CCDC150: variants seen among roughly 807,000 people sequenced by gnomAD.
CCDC150 encodes the protein coiled-coil domain-containing protein 150.
Under a neutral mutation model 156.5 loss-of-function variants are expected in CCDC150, and 151 were observed. The observed-to-expected ratio is 0.97, with a 90% CI of 0.85 to 1.10. The LOEUF (loss-of-function observed/expected upper bound fraction) is 1.10. Ranked by LOEUF, CCDC150 falls within the 50% of genes least tolerant of loss-of-function variation. The pLI, the probability that CCDC150 is intolerant of heterozygous loss-of-function variation, is 0.00. For synonymous variants in CCDC150, 452 were observed against 429.4 expected (o/e 1.05, Z -0.65); for missense variants, 1,312 against 1,268.1 (o/e 1.03, Z -0.53).
chr2:196,666,637 T>C (rs1296902486), intron 6 of CCDC150, 82 bp from the exon 7 acceptor site: 3 of 1,147,446 alleles, frequency 2.6e-6, no homozygotes, highest in South Asian at 3.2e-5. Context: ...AAGGTTGGAA[T>C]GTTGCCTTAT....
chr2:196,732,158 A>G lies in CCDC150; in HGVS notation c.3189+6A>G. Reference sequence around the variant, plus strand: ...AAGACAGGTGGCAGGAAAAGGTAAGATTAAGACATGGATGTCTTAAGCAAT... The same window carrying G: ...AAGACAGGTGGCAGGAAAAGGTAAGGTTAAGACATGGATGTCTTAAGCAAT... On this transcript the variant is annotated splice_donor_region_variant and intron_variant, in intron 27 of 27. Transcript: ENST00000389175. The G allele has an allele frequency of 6.2e-7, 1 of 1,613,796 alleles. No individual in the cohort carries two copies. Among genetic ancestry groups the G allele is most frequent in the Non-Finnish European group, 8.5e-7 (1 of 1,179,800 alleles).
In CCDC150 at chr2:196,666,768, G is replaced by A. The variant is rs1693864363; in HGVS notation, c.812G>A (p.Ser271Asn). The A allele has an allele frequency of 1.2e-6, 2 of 1,612,916 alleles. No individual in the cohort carries two copies. The highest frequency in any genetic ancestry group is 1.7e-6 in the Non-Finnish European group (2 of 1,179,412). ...NCIALRDSIQSAQELLAQEQK... is the reference protein window; with the variant it reads ...NCIALRDSIQNAQELLAQEQK... ...ATTGCTCTACGTGATTCTATACAGA[G>A]CGCTCAAGAACTACTGGCCCAGGAA... is the stretch of plus-strand genomic sequence containing the variant. The change falls in exon 7 of 28, where the codon AGC becomes AAC. Residue 271 changes from serine (S) to asparagine (N), a missense_variant. Physicochemically the swap from Ser to Asn is conservative, Grantham distance 46. Transcript: ENST00000389175.
At chr2:196,644,979 C>G (rs1183527972) in intron 1 of CCDC150, among the ~76,000 whole-genome samples, 3 of 134,188 alleles carry the variant, frequency 2.2e-5, no homozygotes, top group African/African-American at 8.5e-5. Context: ...AAAAAATTAG[C>G]CGGGCATGGT....
At chr2:196,665,888 CTT>C (rs1355055708) in intron 6 of CCDC150, among the ~76,000 whole-genome samples, 1 of 152,054 alleles carries the variant, frequency 6.6e-6, no homozygotes, top group Non-Finnish European at 1.5e-5. Flanking sequence ...ATTCAACACT[CTT>C]AATTTATGAA....
At chr2:196,667,633 G>A (rs1031681404) in intron 7 of CCDC150, 1 of 152,226 alleles carries the variant, frequency 6.6e-6, no homozygotes, top group Non-Finnish European at 1.5e-5. Flanking sequence ...AGGAAAAAAT[G>A]GCAAAGTAAG....
chr2:196,706,915 G>A (rs1364707612), intron 15 of CCDC150, among the ~76,000 whole-genome samples: 1 of 152,174 alleles, frequency 6.6e-6, no homozygotes, highest in African/African-American at 2.4e-5. Flanking sequence ...TGTTTTGCCA[G>A]TATTTTATTG....
At chr2:196,690,622 AAG>A (rs1041366812) in intron 13 of CCDC150, among the ~76,000 whole-genome samples, 1 of 152,054 alleles carries the variant, frequency 6.6e-6, no homozygotes, top group Admixed American at 6.6e-5. Flanking sequence ...TAAAAAAAAA[AAG>A]AGTTACAGGA....
chr2:196,721,587 G>A lies in CCDC150; in HGVS notation c.2325G>A (p.Leu775=), dbSNP rs1450222991. The change falls in exon 21 of 28, where the codon CTG becomes CTA. Residue 775 remains leucine, a synonymous_variant. Coordinates refer to ENST00000389175, the MANE Select transcript of CCDC150 (RefSeq NM_001080539.2). ...ACAACAGGAAACTTGCTATGAGTCT[G>A]GAACAAGCTCTCCAGACAAATAATC... is the stretch of plus-strand genomic sequence containing the variant. ...REDNRKLAMS[L]EQALQTNNHL... is the part of the protein sequence containing the mutation. 6 of 1,608,228 alleles carry A rather than the reference G, an allele frequency of 3.7e-6. No homozygotes were observed. Among genetic ancestry groups the A allele is most frequent in the South Asian group, 1.1e-5 (1 of 89,418 alleles).
intron 21 of CCDC150, among the ~76,000 whole-genome samples, chr2:196,724,029 T>C (rs2125711598): frequency 6.6e-6 from 1 of 152,238 alleles, no homozygotes; most frequent in East Asian, 1.9e-4. Flanking sequence ...AGAGGAAGGG[T>C]TATCTTTAAA....
intron 13 of CCDC150, among the ~76,000 whole-genome samples, chr2:196,691,568 T>C (rs897624162): frequency 2.0e-5 from 3 of 151,326 alleles, no homozygotes; most frequent in Non-Finnish European, 4.4e-5. Flanking sequence ...TCCTTTATCA[T>C]TTCTGATTGT....
intron 7 of CCDC150, among the ~76,000 whole-genome samples, chr2:196,669,429 C>G (rs898818285): frequency 2.6e-5 from 4 of 152,208 alleles, no homozygotes; most frequent in Non-Finnish European, 4.4e-5. Flanking sequence ...TTTCACAGAT[C>G]TGTTTTTCCT....
At chr2:196,712,384 A>G in intron 16 of CCDC150, 132 bp downstream of exon 16, 1 of 592,160 alleles carries the variant, frequency 1.7e-6, no homozygotes, top group Non-Finnish European at 2.9e-6. Flanking sequence ...AGTTTAACAA[A>G]CTTTTTTTCA....
At chr2:196,703,147 C>T (rs754432266) in intron 15 of CCDC150, among the ~76,000 whole-genome samples, 7 of 152,138 alleles carry the variant, frequency 4.6e-5, no homozygotes, top group Non-Finnish European at 8.8e-5. Context: ...ACATCCAAAC[C>T]ATAGCAGCAA....
Position 196,719,616 on chromosome 2 carries a change from A to C in CCDC150, c.2115A>C (p.Gln705His). 3 of 1,613,296 alleles carry C rather than the reference A, an allele frequency of 1.9e-6. No individual in the cohort carries two copies. The highest frequency in any genetic ancestry group is 2.5e-6 in the Non-Finnish European group (3 of 1,179,586). Residue 705 changes from glutamine (Q) to histidine (H), a missense_variant, in exon 19 of 28, where the codon CAA becomes CAC. Physicochemically the swap from Gln to His is conservative, Grantham distance 24. Coordinates refer to ENST00000389175, the MANE Select transcript of CCDC150 (RefSeq NM_001080539.2). ...TGCAAGGTGCTCTGGAGAAAGTACA[A>C]ATAGAGCTTGGGCGGAGGGATTCAG... is the stretch of plus-strand genomic sequence containing the variant. ...SKMQGALEKVQIELGRRDSEI... is the reference protein window; with the variant it reads ...SKMQGALEKVHIELGRRDSEI...
At chr2:196,689,413 T>C (rs1695308751) in intron 13 of CCDC150, among the ~76,000 whole-genome samples, 1 of 151,084 alleles carries the variant, frequency 6.6e-6, no homozygotes, top group Non-Finnish European at 1.5e-5. Context: ...TATCCTCTTT[T>C]ATTTCATTGA....
In CCDC150 at chr2:196,729,303, G is replaced by A. The variant is rs376671146; in HGVS notation, c.2667G>A (p.Lys889=). The A allele has an allele frequency of 9.7e-5, 156 of 1,613,390 alleles. No homozygotes were observed. Among genetic ancestry groups the A allele is most frequent in the Non-Finnish European group, 1.2e-4 (138 of 1,179,782 alleles). Residue 889 remains lysine, a synonymous_variant, in exon 23 of 28, where the codon AAG becomes AAA. Transcript: ENST00000389175. ...AELEKILESN[K]EKIKNQKTQI... ...TAGAAAAAATACTAGAAAGTAACAA[G>A]GAGAAAATAAAGAATCAAAAGACCC... is the stretch of plus-strand genomic sequence containing the variant.
At position 196,665,586 on chromosome 2, in the gene CCDC150, A is replaced by T. The variant is rs1466823701; in HGVS notation, c.665A>T (p.Gln222Leu). ...TTGTAGCTAAGGAGACAACTGGCTC[A>T]GGAGAAGTACCTTAGGGAATCTTTA... ...KIQELRRQLA[Q>L]EKYLRESLEK... Residue 222 changes from glutamine to leucine, a missense_variant, in exon 6 of 28, where the codon CAG becomes CTG. Physicochemically the swap from Gln to Leu is moderately radical, Grantham distance 113 (BLOSUM62 -2). Coordinates refer to ENST00000389175, the MANE Select transcript of CCDC150 (RefSeq NM_001080539.2). 6.2e-7 allele frequency: 1 copy of T among 1,601,936 alleles called. No individual in the cohort carries two copies. Among genetic ancestry groups the T allele is most frequent in the Non-Finnish European group, 8.5e-7 (1 of 1,174,228 alleles).
intron 15 of CCDC150, among the ~76,000 whole-genome samples, chr2:196,710,031 C>T (rs1233959438): frequency 6.6e-6 from 1 of 152,246 alleles, no homozygotes; most frequent in Non-Finnish European, 1.5e-5. Flanking sequence ...GCGAGAACCA[C>T]TGCTCTCTTC....
chr2:196,670,642 T>C (rs934499362), intron 8 of CCDC150, among the ~76,000 whole-genome samples: 8 of 151,968 alleles, frequency 5.3e-5, no homozygotes, highest in Non-Finnish European at 1.2e-4. Flanking sequence ...CACTTATAAC[T>C]TTAAAAGATC....
Sources: gnomAD v4.1 joint callset for allele counts (sites outside exome capture counted in the v4.1 genomes callset) on GRCh38, gnomAD v4.1.1 for gene constraint, MANE v1.5 for transcripts, NCBI Gene and HGNC (gene_info 2026-07-23, HGNC 2026-07-21) for gene names.